ARL15: variants seen among roughly 807,000 people sequenced by gnomAD.
The protein encoded by ARL15 is ADP-ribosylation factor-like protein 15.
In ARL15, 19 loss-of-function variants were observed where a neutral mutation model predicts 25.2. The ratio of observed to expected loss-of-function variants is 0.75; its 90% CI spans 0.53 to 1.10. The LOEUF (loss-of-function observed/expected upper bound fraction) is 1.10. Among genes scored for constraint, ARL15 ranks in the 50% least tolerant of loss-of-function variants. The pLI, the probability that ARL15 is intolerant of heterozygous loss-of-function variation, is 0.00. For missense variants in ARL15, 220 were observed against 246.0 expected (o/e 0.89, Z 0.71); for synonymous variants, 94 against 86.8 (o/e 1.08, Z -0.46).
chr5:54,121,195 C>A (rs1325539145), intron 3 of ARL15, among the ~76,000 whole-genome samples: 1 of 152,198 alleles, frequency 6.6e-6, no homozygotes, highest in Admixed American at 6.5e-5. Flanking sequence ...ACCATATTTA[C>A]TCACATAACA....
intron 3 of ARL15, among the ~76,000 whole-genome samples, chr5:54,136,228 T>A (rs1470262372): frequency 6.6e-6 from 1 of 152,244 alleles, no homozygotes; most frequent in Non-Finnish European, 1.5e-5. Flanking sequence ...ACTACTTAAC[T>A]AATGGATAAT....
chr5:54,001,803 G>A (rs1748856731), intron 4 of ARL15, among the ~76,000 whole-genome samples: 1 of 152,218 alleles, frequency 6.6e-6, no homozygotes, highest in Admixed American at 6.5e-5. Flanking sequence ...AGGAGCAAAT[G>A]TAGCTACTGG....
intron 4 of ARL15, among the ~76,000 whole-genome samples, chr5:53,956,054 T>C (rs1747138809): frequency 6.6e-6 from 1 of 152,104 alleles, no homozygotes; most frequent in Non-Finnish European, 1.5e-5. Flanking sequence ...TACTAGAGAA[T>C]TTACAAAGTC....
At chr5:53,987,971 C>T (rs750015443) in intron 4 of ARL15, among the ~76,000 whole-genome samples, 2 of 151,936 alleles carry the variant, frequency 1.3e-5, no homozygotes, top group Non-Finnish European at 2.9e-5. Context: ...GGCATGGTGG[C>T]GTGCGCCTGT....
intron 4 of ARL15, among the ~76,000 whole-genome samples, chr5:54,011,224 G>GAATTC (rs3836820): frequency 0.4 from 60,702 of 151,346 alleles, 12,680 homozygotes; most frequent in African/African-American, 0.53. Context: ...TATATACTGT[G>GAATTC]AATATCCAGA....
At chr5:54,274,215 TGACGC>T (rs1431737377) in intron 1 of ARL15, among the ~76,000 whole-genome samples, 2 of 152,140 alleles carry the variant, frequency 1.3e-5, no homozygotes, top group African/African-American at 4.8e-5. Flanking sequence ...GAGAGTCGGC[TGACGC>T]TGGGTCAGAC....
rs188536880 is a variant in ARL15 at position 54,063,018 on chromosome 5, T to C, written c.462+50184A>G. 3.9e-5 allele frequency among the ~76,000 whole-genome samples: 6 copies of C among 152,348 alleles called. No individual in the cohort carries two copies. In the East Asian group the frequency reaches 1.2e-3, roughly 29 times the overall value. The stretch of plus-strand genomic sequence containing the variant: ...TTAAATTCCCCATTGTGCAATCTAA[T>C]TTCCTTAGCTCTCACAATAATGCTT... On this transcript the variant is annotated intron_variant, in intron 4 of 4. Transcript: ENST00000504924.
chr5:54,277,705 T>C (rs1395668015), intron 1 of ARL15, among the ~76,000 whole-genome samples: 1 of 151,918 alleles, frequency 6.6e-6, no homozygotes, highest in Non-Finnish European at 1.5e-5. Flanking sequence ...TGAGCCGAGA[T>C]CGTGCCACTG....
intron 1 of ARL15, among the ~76,000 whole-genome samples, chr5:54,293,361 C>G (rs371373361): frequency 1.2e-3 from 186 of 152,102 alleles, no homozygotes; most frequent in African/African-American, 4.2e-3. Flanking sequence ...TAATAATAAA[C>G]GTGTAAGTAA....
At chr5:54,120,912 C>G (rs1043344616) in intron 3 of ARL15, among the ~76,000 whole-genome samples, 1 of 152,204 alleles carries the variant, frequency 6.6e-6, no homozygotes, top group African/African-American at 2.4e-5. Flanking sequence ...TCTAGCACAA[C>G]TTGCCAATTT....
chr5:54,084,432 A>AAG (rs1308498908), intron 4 of ARL15, among the ~76,000 whole-genome samples: 1 of 151,702 alleles, frequency 6.6e-6, no homozygotes, highest in African/African-American at 2.4e-5. Context: ...TTCAAAAAAA[A>AAG]AAAAAAGAGA....
chr5:54,045,033 C>T (rs1040047812), intron 4 of ARL15, among the ~76,000 whole-genome samples: 1 of 152,176 alleles, frequency 6.6e-6, no homozygotes, highest in Non-Finnish European at 1.5e-5. Flanking sequence ...ACCACTACTT[C>T]TTAGCTCAAG....
intron 2 of ARL15, among the ~76,000 whole-genome samples, chr5:54,167,286 G>C (rs555865998): frequency 6.6e-6 from 1 of 152,144 alleles, no homozygotes; most frequent in South Asian, 2.1e-4. Flanking sequence ...CTTTTCTCTG[G>C]TATTCTATTC....
At chr5:54,029,398 AAAGAG>A (rs1185196938) in intron 4 of ARL15, among the ~76,000 whole-genome samples, 1 of 142,688 alleles carries the variant, frequency 7.0e-6, no homozygotes, top group South Asian at 2.2e-4. Flanking sequence ...GAAGCATGCT[AAAGAG>A]AAGACACAAT....
At chr5:54,018,077 C>T (rs1274886452) in intron 4 of ARL15, among the ~76,000 whole-genome samples, 1 of 152,100 alleles carries the variant, frequency 6.6e-6, no homozygotes, top group African/African-American at 2.4e-5. Flanking sequence ...GAAGCACATT[C>T]CACATGTTCA....
intron 4 of ARL15, among the ~76,000 whole-genome samples, chr5:53,967,203 TTTTG>T (rs988351556): frequency 1.3e-5 from 2 of 152,202 alleles, no homozygotes; most frequent in Non-Finnish European, 2.9e-5. Flanking sequence ...AGTTTAAAAT[TTTTG>T]TTTATTTGTA....
chr5:53,944,267 T>C (rs1746641309), intron 4 of ARL15, among the ~76,000 whole-genome samples: 3 of 152,094 alleles, frequency 2.0e-5, no homozygotes, highest in Non-Finnish European at 4.4e-5. Flanking sequence ...AGGGAGTGGT[T>C]AAACAGCTTG....
At chr5:54,170,252 C>G (rs1037813176) in intron 2 of ARL15, among the ~76,000 whole-genome samples, 2 of 152,162 alleles carry the variant, frequency 1.3e-5, no homozygotes, top group Admixed American at 6.5e-5. Context: ...CTTCTTCCCC[C>G]TGTAACTGCC....
At chr5:54,005,648 G>T (rs1749004210) in intron 4 of ARL15, among the ~76,000 whole-genome samples, 1 of 151,982 alleles carries the variant, frequency 6.6e-6, no homozygotes. Context: ...CGGATCACGA[G>T]GTCAGGAGAT....
Sources: gnomAD v4.1 joint callset for allele counts (sites outside exome capture counted in the v4.1 genomes callset) on GRCh38, gnomAD v4.1.1 for gene constraint, MANE v1.5 for transcripts, NCBI Gene and HGNC (gene_info 2026-07-23, HGNC 2026-07-21) for gene names.